Variants in PDE1A observed in about 807,000 individuals in gnomAD.
PDE1A encodes dual specificity calcium/calmodulin-dependent 3',5'-cyclic nucleotide phosphodiesterase 1A.
A neutral mutation model predicts 61.7 loss-of-function variants in PDE1A; 35 were observed. The observed-to-expected ratio is 0.57, with a 90% CI of 0.43 to 0.75. The LOEUF (loss-of-function observed/expected upper bound fraction) is 0.75. Ranked by LOEUF, PDE1A falls within the 30% of genes least tolerant of loss-of-function variation. The pLI is 0.00. For missense variants in PDE1A, 597 were observed against 630.6 expected (o/e 0.95, Z 0.57); for synonymous variants, 232 against 213.2 (o/e 1.09, Z -0.77).
chr2:182,685,126 CAG>C, the PDE1A span, among the ~76,000 whole-genome samples: 6 of 148,134 alleles, frequency 4.1e-5, no homozygotes, highest in African/African-American at 7.4e-5. Flanking sequence ...CACACACACA[CAG>C]AGAGAGAGAG....
At chr2:182,198,664 CAA>C (rs1686345492) in intron 10 of PDE1A, among the ~76,000 whole-genome samples, 2 of 151,546 alleles carry the variant, frequency 1.3e-5, no homozygotes, top group South Asian at 4.2e-4. Flanking sequence ...TAAACTGACT[CAA>C]GTTATGATAT....
At chr2:182,617,152 G>A in the PDE1A span, among the ~76,000 whole-genome samples, 3 of 141,914 alleles carry the variant, frequency 2.1e-5, no homozygotes, top group East Asian at 3.9e-4. Context: ...CACTAACAAC[G>A]TGATTTATGG....
chr2:182,163,278 C>G (rs1018077050), downstream of PDE1A, among the ~76,000 whole-genome samples: 1 of 152,140 alleles, frequency 6.6e-6, no homozygotes, highest in African/African-American at 2.4e-5. Flanking sequence ...TTCTCCATAC[C>G]TGTCCATAAG....
At chr2:182,206,173 T>C in intron 7 of PDE1A, 108 bp from the exon 8 acceptor site, 1 of 754,068 alleles carries the variant, frequency 1.3e-6, no homozygotes, top group Non-Finnish European at 2.0e-6. Context: ...CATCCTATAA[T>C]TGAACAGTGA....
chr2:182,602,185 C>T, the PDE1A span, among the ~76,000 whole-genome samples: 6 of 152,342 alleles, frequency 3.9e-5, no homozygotes, highest in African/African-American at 9.6e-5. Flanking sequence ...GGGGCCTTCC[C>T]GGGCCCCCAA....
chr2:182,463,175 G>T (rs1029280170), intron 2 of PDE1A, among the ~76,000 whole-genome samples: 8 of 151,938 alleles, frequency 5.3e-5, no homozygotes, highest in Non-Finnish European at 1.0e-4. Flanking sequence ...GGAGGCGGAG[G>T]TTGCAGTGAG....
chr2:182,585,528 A>C, the PDE1A span, among the ~76,000 whole-genome samples: 1 of 152,200 alleles, frequency 6.6e-6, no homozygotes, highest in Admixed American at 6.5e-5. Context: ...ACTCTTAAAA[A>C]AATTGATAGT....
chr2:182,498,492 C>G (rs901720929), intron 2 of PDE1A, among the ~76,000 whole-genome samples: 1 of 150,632 alleles, frequency 6.6e-6, no homozygotes, highest in Non-Finnish European at 1.5e-5. Context: ...CAGGCTTAAT[C>G]CAAGAGGTGC....
At chr2:182,663,983 A>C in the PDE1A span, among the ~76,000 whole-genome samples, 1 of 152,152 alleles carries the variant, frequency 6.6e-6, no homozygotes, top group Non-Finnish European at 1.5e-5. Context: ...ACCCTTTTAT[A>C]TAGCAAATGA....
chr2:182,180,237 A>G (rs563889656), intron 13 of PDE1A, among the ~76,000 whole-genome samples: 2 of 152,286 alleles, frequency 1.3e-5, no homozygotes, highest in East Asian at 3.9e-4. Context: ...TGAATTATAG[A>G]TACATATATA....
At chr2:182,397,003 G>A (rs1701742036) in intron 1 of PDE1A, among the ~76,000 whole-genome samples, 1 of 152,074 alleles carries the variant, frequency 6.6e-6, no homozygotes, top group African/African-American at 2.4e-5. Flanking sequence ...TCCCTTTTAA[G>A]TCTTCTTCAA....
chr2:182,206,336 C>T (rs1687099818), intron 7 of PDE1A, among the ~76,000 whole-genome samples: 1 of 152,194 alleles, frequency 6.6e-6, no homozygotes, highest in Non-Finnish European at 1.5e-5. Context: ...TGCGTAACCT[C>T]CCCCATTGTC....
chr2:182,670,619 G>A, the PDE1A span, among the ~76,000 whole-genome samples: 27 of 152,136 alleles, frequency 1.8e-4, no homozygotes, highest in African/African-American at 4.1e-4. Flanking sequence ...GATGGGTGCC[G>A]AAGCCTCTTT....
At position 182,242,883 on chromosome 2, in the gene PDE1A, C is replaced by CCTCTCTCTCTCCCT. The variant is rs1553550661; in HGVS notation, c.168-2592_168-2591insAGGGAGAGAGAGAG. On this transcript the variant is annotated intron_variant, in intron 2 of 13. Transcript: ENST00000351439. The stretch of plus-strand genomic sequence containing the variant: ...TCTCTCTCTCCTCTCTCCTCTCCTC[C>CCTCTCTCTCTCCCT]CTCTCTCTCTCTCTCCCTCTCTCTC... 1.3e-4 allele frequency among the ~76,000 whole-genome samples: 17 copies of CCTCTCTCTCTCCCT among 130,214 alleles called. No homozygotes were observed. The East Asian group carries it at 1.4e-3, about 10-fold the overall frequency. 85.4% of individuals were successfully genotyped at this position (130,214 alleles called of 152,430 possible).
chr2:182,352,556 G>T (rs1357036431), intron 1 of PDE1A, among the ~76,000 whole-genome samples: 1 of 151,066 alleles, frequency 6.6e-6, no homozygotes, highest in African/African-American at 2.4e-5. Flanking sequence ...AGGGAAGAAA[G>T]AGGAAATAAA....
the PDE1A span, among the ~76,000 whole-genome samples, chr2:182,586,251 T>TTAACTA: frequency 6.6e-6 from 1 of 152,130 alleles, no homozygotes; most frequent in African/African-American, 2.4e-5. Context: ...GTCAAGGCAA[T>TTAACTA]GTAAAACAGC....
At chr2:182,499,298 T>A (rs1268758683) in intron 2 of PDE1A, among the ~76,000 whole-genome samples, 1 of 147,924 alleles carries the variant, frequency 6.8e-6, no homozygotes, top group Non-Finnish European at 1.5e-5. Context: ...TGCCTCAGCC[T>A]CCCAAGTAGC....
chr2:182,610,519 G>A, the PDE1A span, among the ~76,000 whole-genome samples: 1 of 151,450 alleles, frequency 6.6e-6, no homozygotes, highest in South Asian at 2.1e-4. Flanking sequence ...AATCTTCTGT[G>A]GGTTAAAGTC....
chr2:182,301,588 T>C (rs781101027), intron 1 of PDE1A, among the ~76,000 whole-genome samples: 10 of 152,188 alleles, frequency 6.6e-5, no homozygotes, highest in Non-Finnish European at 1.0e-4. Flanking sequence ...TACCTGATCA[T>C]TTTGTTATCC....
Sources: gnomAD v4.1 joint callset for allele counts (sites outside exome capture counted in the v4.1 genomes callset) on GRCh38, gnomAD v4.1.1 for gene constraint, MANE v1.5 for transcripts, NCBI Gene and HGNC (gene_info 2026-07-23, HGNC 2026-07-21) for gene names.